GRID2: variants seen among roughly 807,000 people sequenced by gnomAD.
GRID2 encodes the protein glutamate ionotropic receptor delta type subunit 2, also known as glutamate receptor ionotropic, delta-2.
Under a neutral mutation model 114.8 loss-of-function variants are expected in GRID2, and 33 were observed. The observed-to-expected ratio is 0.29, with a 90% CI of 0.22 to 0.38. The LOEUF is 0.38. Ranked by LOEUF, GRID2 falls within the 10% of genes least tolerant of loss-of-function variation. The pLI, the probability that GRID2 is intolerant of heterozygous loss-of-function variation, is 1.00. For missense variants in GRID2, 1,184 were observed against 1,257.7 expected (o/e 0.94, Z 0.89); for synonymous variants, 505 against 449.9 (o/e 1.12, Z -1.55).
At chr4:92,735,420 G>A (rs1022185287) in intron 2 of GRID2, among the ~76,000 whole-genome samples, 4 of 152,024 alleles carry the variant, frequency 2.6e-5, no homozygotes, top group Non-Finnish European at 5.9e-5. Context: ...ATGTGAATGT[G>A]GTTTCTCAAA....
intron 14 of GRID2, among the ~76,000 whole-genome samples, chr4:93,689,634 T>A (rs536649617): frequency 6.6e-6 from 1 of 151,870 alleles, no homozygotes; most frequent in East Asian, 1.9e-4. Context: ...CAAAAAAAAA[T>A]TACCCTATGT....
chr4:92,497,467 T>TA (rs1385068842), intron 1 of GRID2, among the ~76,000 whole-genome samples: 3 of 151,746 alleles, frequency 2.0e-5, no homozygotes, highest in Non-Finnish European at 1.5e-5. Flanking sequence ...TTTTAAAAAT[T>TA]AAAAAAATAG....
chr4:92,959,726 G>A (rs1578605818), intron 2 of GRID2, among the ~76,000 whole-genome samples: 2 of 151,974 alleles, frequency 1.3e-5, no homozygotes, highest in South Asian at 4.1e-4. Context: ...GAAGCTGGAA[G>A]CCATCATTCT....
chr4:93,542,634 G>C (rs1011367133), intron 13 of GRID2, among the ~76,000 whole-genome samples: 4 of 152,072 alleles, frequency 2.6e-5, no homozygotes, highest in African/African-American at 9.7e-5. Flanking sequence ...TTTCCCCCAA[G>C]GAAGATGCTG....
chr4:92,963,514 T>C (rs1752952872), intron 2 of GRID2, among the ~76,000 whole-genome samples: 1 of 152,018 alleles, frequency 6.6e-6, no homozygotes, highest in Non-Finnish European at 1.5e-5. Context: ...TTCATTCTCA[T>C]TTTATTGTCA....
At chr4:92,745,545 A>G (rs972808591) in intron 2 of GRID2, among the ~76,000 whole-genome samples, 2 of 152,172 alleles carry the variant, frequency 1.3e-5, no homozygotes, top group Non-Finnish European at 2.9e-5. Flanking sequence ...TAAATATTTA[A>G]GAAGAGATAT....
chr4:93,343,142 CTG>C (rs150132437), intron 8 of GRID2, among the ~76,000 whole-genome samples: 1,580 of 40,010 alleles, frequency 0.039, 11 homozygotes, highest in African/African-American at 0.062. Flanking sequence ...TGTGAGGTGA[CTG>C]TGTGTGTGTG....
At chr4:93,114,379 A>G (rs1196052884) in intron 4 of GRID2, among the ~76,000 whole-genome samples, 1 of 152,136 alleles carries the variant, frequency 6.6e-6, no homozygotes, top group Non-Finnish European at 1.5e-5. Flanking sequence ...TTATACTTAT[A>G]ATAATGTATC....
intron 1 of GRID2, among the ~76,000 whole-genome samples, chr4:92,506,924 G>C (rs187861281): frequency 6.6e-6 from 1 of 151,480 alleles, no homozygotes; most frequent in Non-Finnish European, 1.5e-5. Flanking sequence ...TCTTCATCTT[G>C]TTCTCTATTT....
At chr4:92,518,398 G>T (rs1421441896) in intron 1 of GRID2, among the ~76,000 whole-genome samples, 2 of 151,818 alleles carry the variant, frequency 1.3e-5, no homozygotes, top group African/African-American at 4.8e-5. Context: ...TAGTGCATTT[G>T]GTTGAGCACT....
chr4:93,222,772 A>G (rs537175841), intron 6 of GRID2, among the ~76,000 whole-genome samples: 22 of 152,194 alleles, frequency 1.4e-4, no homozygotes, highest in African/African-American at 4.1e-4. Flanking sequence ...AGCTTCATCC[A>G]TGTCCCTAAA....
chr4:93,242,983 T>C (rs144865862), intron 8 of GRID2, among the ~76,000 whole-genome samples: 20 of 152,158 alleles, frequency 1.3e-4, no homozygotes, highest in South Asian at 1.2e-3. Context: ...TTTCATTTTT[T>C]ATGTTCCTAT....
chr4:92,862,398 T>C (rs951692707), intron 2 of GRID2, among the ~76,000 whole-genome samples: 1 of 152,064 alleles, frequency 6.6e-6, no homozygotes, highest in Non-Finnish European at 1.5e-5. Context: ...CACTTGGGTG[T>C]AATCTTTTTT....
intron 2 of GRID2, among the ~76,000 whole-genome samples, chr4:92,706,229 T>C (rs868144834): frequency 2.6e-4 from 40 of 152,176 alleles, no homozygotes; most frequent in African/African-American, 8.9e-4. Context: ...TGGAAAGATG[T>C]TACAGTTCAA....
intron 2 of GRID2, among the ~76,000 whole-genome samples, chr4:92,657,419 C>T (rs948224227): frequency 6.6e-6 from 1 of 151,424 alleles, no homozygotes; most frequent in Non-Finnish European, 1.5e-5. Flanking sequence ...TTTTCTGTTA[C>T]ACCAAATATG....
At chr4:92,991,084 G>A (rs1304634388) in intron 2 of GRID2, among the ~76,000 whole-genome samples, 2 of 152,006 alleles carry the variant, frequency 1.3e-5, no homozygotes, top group Non-Finnish European at 2.9e-5. Flanking sequence ...TGTGAATAGG[G>A]TATTATTGTT....
intron 2 of GRID2, among the ~76,000 whole-genome samples, chr4:92,672,488 G>T (rs1365787352): frequency 6.6e-6 from 1 of 151,842 alleles, no homozygotes; most frequent in Admixed American, 6.6e-5. Flanking sequence ...CAACTTATTT[G>T]TACTTCTACA....
chr4:93,677,462 G>C (rs1475425600), intron 14 of GRID2, among the ~76,000 whole-genome samples: 2 of 152,144 alleles, frequency 1.3e-5, no homozygotes, highest in African/African-American at 2.4e-5. Flanking sequence ...ATCTGAGAAC[G>C]GGCAGACTGC....
chr4:93,492,005 C>A (rs147235546), intron 12 of GRID2, among the ~76,000 whole-genome samples: 42 of 151,884 alleles, frequency 2.8e-4, no homozygotes, highest in Admixed American at 1.3e-3. Context: ...TCCTTTGATA[C>A]AGAACCTTCA....
Sources: gnomAD v4.1 joint callset for allele counts (sites outside exome capture counted in the v4.1 genomes callset) on GRCh38, gnomAD v4.1.1 for gene constraint, MANE v1.5 for transcripts, NCBI Gene and HGNC (gene_info 2026-07-23, HGNC 2026-07-21) for gene names.